SYNPO: variants seen among roughly 807,000 people sequenced by gnomAD.
SYNPO encodes the protein synaptopodin.
In SYNPO, 19 loss-of-function variants were observed where a neutral mutation model predicts 49.5. That is an observed-to-expected ratio of 0.38 (90% CI 0.27 to 0.56). SYNPO has a LOEUF of 0.56. Among genes scored for constraint, SYNPO ranks in the 20% least tolerant of loss-of-function variants. SYNPO has a pLI of 0.68. For synonymous variants in SYNPO, 536 were observed against 548.0 expected (o/e 0.98, Z 0.31); for missense variants, 1,131 against 1,248.3 (o/e 0.91, Z 1.42).
intron 2 of SYNPO, among the ~76,000 whole-genome samples, chr5:150,628,465 T>C (rs930810090): frequency 6.6e-6 from 1 of 152,244 alleles, no homozygotes; most frequent in African/African-American, 2.4e-5. Context: ...AACTATGTTA[T>C]GTAACCTCTC....
chr5:150,622,629 C>A (rs1160145401), intron 2 of SYNPO, among the ~76,000 whole-genome samples: 1 of 152,188 alleles, frequency 6.6e-6, no homozygotes, highest in Non-Finnish European at 1.5e-5. Flanking sequence ...AGTCCTGCCA[C>A]TGGACATGTC....
Position 150,657,886 on chromosome 5 carries a change from A to G in SYNPO, c.*799A>G, listed in dbSNP as rs1054967708. On this transcript the variant is annotated 3_prime_UTR_variant, in exon 3 of 3. Transcript: ENST00000307662. The stretch of plus-strand genomic sequence containing the variant: ...TCTTATCTGCAGCCATAAGAGAATT[A>G]TAAGGCAGTGATTTCCCTTAGGCCC... 47 of 152,342 alleles carry G rather than the reference A, an allele frequency of 3.1e-4. 1 individual carries two copies. The highest frequency in any genetic ancestry group is 8.8e-5 in the Non-Finnish European group (6 of 68,060). 9.4% of individuals were successfully genotyped at this position (152,342 alleles called of 1,614,324 possible). A position where few individuals can be genotyped will look rare whatever the true frequency, so the allele number is the denominator to read the frequency against.
intron 1 of SYNPO, among the ~76,000 whole-genome samples, chr5:150,611,167 G>A (rs1008173988): frequency 3.9e-5 from 6 of 152,096 alleles, no homozygotes; most frequent in African/African-American, 9.7e-5. Flanking sequence ...TTTTTCCATC[G>A]TATTTAACAC....
At chr5:150,588,103 A>T in the SYNPO span, among the ~76,000 whole-genome samples, 2 of 152,204 alleles carry the variant, frequency 1.3e-5, no homozygotes, top group Admixed American at 6.5e-5. Context: ...AGTTTCAAAA[A>T]AGTGTGAAAA....
At chr5:150,650,548 G>A (rs1289944861) in intron 2 of SYNPO, 5 of 1,466,152 alleles carry the variant, frequency 3.4e-6, no homozygotes, top group Non-Finnish European at 4.5e-6. Flanking sequence ...ACAGGGGTCG[G>A]ACTCCATGTC....
intron 1 of SYNPO, 22 bp from the exon 2 acceptor site, chr5:150,647,922 G>C: frequency 6.5e-7 from 1 of 1,541,394 alleles, no homozygotes; most frequent in Non-Finnish European, 8.8e-7. Flanking sequence ...TTTGCTAACT[G>C]GGCTTTTGTC....
chr5:150,649,684 A>G lies in SYNPO; in HGVS notation c.1409A>G (p.Asn470Ser), dbSNP rs746391151. The G allele has an allele frequency of 5.6e-6, 9 of 1,611,258 alleles. No individual in the cohort carries two copies. In the East Asian group the frequency reaches 1.3e-4, roughly 24 times the overall value. ...RIQAKPKPKP[N>S]QNLSEASGKG... is the part of the protein sequence containing the mutation. ...CAGGCCAAGCCGAAGCCCAAACCCA[A>G]CCAGAACCTCTCCGAGGCCTCTGGG... The change falls in exon 2 of 3, where the codon AAC becomes AGC. Residue 470 changes from asparagine (N) to serine (S), a missense_variant. Asn to Ser is a conservative substitution (Grantham distance 46). Coordinates refer to ENST00000307662, the MANE Select transcript of SYNPO (RefSeq NM_007286.6).
At chr5:150,633,659 T>C (rs557640770) in intron 2 of SYNPO, among the ~76,000 whole-genome samples, 41 of 152,356 alleles carry the variant, frequency 2.7e-4, no homozygotes, top group African/African-American at 9.6e-4. Context: ...CAATGAACCA[T>C]GTGCAGTGAG....
At chr5:150,654,209 T>C (rs1179394746) in intron 2 of SYNPO, 1 of 152,094 alleles carries the variant, frequency 6.6e-6, no homozygotes, top group Non-Finnish European at 1.5e-5. Flanking sequence ...TTGGATTGGA[T>C]TAAATGGCAA....
the SYNPO span, among the ~76,000 whole-genome samples, chr5:150,591,162 G>A: frequency 1.3e-5 from 2 of 152,216 alleles, no homozygotes; most frequent in African/African-American, 2.4e-5. Flanking sequence ...CCCGGAGGCA[G>A]CCAGAGTGGA....
chr5:150,636,154 G>A (rs1757708957), upstream of SYNPO, among the ~76,000 whole-genome samples: 1 of 152,114 alleles, frequency 6.6e-6, no homozygotes, highest in Admixed American at 6.6e-5. Flanking sequence ...CTTAGTTGGT[G>A]TGTAATAAAT....
chr5:150,596,520 T>G (rs1038387537), upstream of SYNPO, among the ~76,000 whole-genome samples: 2 of 152,130 alleles, frequency 1.3e-5, no homozygotes, highest in African/African-American at 4.8e-5. Flanking sequence ...GCCCCTGCTC[T>G]GCTCAGGAAG....
chr5:150,635,017 C>T (rs993990377), intron 2 of SYNPO, among the ~76,000 whole-genome samples: 1 of 152,214 alleles, frequency 6.6e-6, no homozygotes, highest in Non-Finnish European at 1.5e-5. Flanking sequence ...ACCATACCAT[C>T]GGTGCATTGT....
At chr5:150,635,251 C>T (rs1323788632) in intron 2 of SYNPO, among the ~76,000 whole-genome samples, 1 of 152,194 alleles carries the variant, frequency 6.6e-6, no homozygotes, top group Non-Finnish European at 1.5e-5. Flanking sequence ...GCATGCGTGC[C>T]TGGGCACGCT....
chr5:150,595,411 A>G, the SYNPO span, among the ~76,000 whole-genome samples: 1 of 152,224 alleles, frequency 6.6e-6, no homozygotes, highest in Non-Finnish European at 1.5e-5. Flanking sequence ...AGCGAGGAGA[A>G]GAACTTGGCT....
At chr5:150,609,985 C>G (rs945738738) in intron 1 of SYNPO, among the ~76,000 whole-genome samples, 8 of 152,222 alleles carry the variant, frequency 5.3e-5, no homozygotes, top group Admixed American at 5.2e-4. Context: ...GTCTCAGCCC[C>G]GTATTTATAG....
chr5:150,641,757 G>T (rs1195479454), intron 1 of SYNPO, among the ~76,000 whole-genome samples: 1 of 152,216 alleles, frequency 6.6e-6, no homozygotes, highest in East Asian at 1.9e-4. Context: ...GTAAGAATGA[G>T]TTTATCAACT....
Position 150,656,929 on chromosome 5 carries a change from C to T in SYNPO, c.2554C>T (p.Arg852Cys), listed in dbSNP as rs768848545. ...CGCGCCTCCCAGGCCCTTCCTCTAC[C>T]GCCGCTCGCCCACGGACTCCGACGT... The part of the protein sequence containing the change: ...LPAPPRPFLY[R>C]RSPTDSDVSL... The change falls in exon 3 of 3, where the codon CGC becomes TGC. Residue 852 changes from arginine (R) to cysteine (C), a missense_variant. This residue lies in a region of SYNPO where 509 missense variants were observed against 484.5 expected (regional missense o/e 1.05). Coordinates refer to ENST00000307662, the MANE Select transcript of SYNPO (RefSeq NM_007286.6). The T allele has an allele frequency of 3.2e-6, 5 of 1,580,814 alleles. No individual in the cohort carries two copies. The highest frequency in any genetic ancestry group is 4.3e-6 in the Non-Finnish European group (5 of 1,164,334).
At chr5:150,627,383 C>T (rs764645331) in intron 2 of SYNPO, among the ~76,000 whole-genome samples, 6 of 152,212 alleles carry the variant, frequency 3.9e-5, no homozygotes, top group Non-Finnish European at 7.3e-5. Flanking sequence ...CTCTGCTGCC[C>T]ACTCACTTAC....
Sources: allele counts gnomAD v4.1 joint callset (sites outside exome capture counted in the v4.1 genomes callset), GRCh38; gene constraint gnomAD v4.1.1; regional missense constraint gnomAD v4.1.1; transcripts MANE v1.5; gene names NCBI Gene and HGNC (gene_info 2026-07-23, HGNC 2026-07-21).